CSMD3: variants seen among roughly 807,000 people sequenced by gnomAD.
The protein encoded by CSMD3 is CUB and sushi domain-containing protein 3.
A neutral mutation model predicts 435.2 loss-of-function variants in CSMD3; 177 were observed. The observed-to-expected ratio is 0.41, with a 90% confidence interval of 0.36 to 0.46. The LOEUF (loss-of-function observed/expected upper bound fraction) is 0.46. Among genes scored for constraint, CSMD3 ranks in the 20% least tolerant of loss-of-function variants. The pLI is 0.34. For missense variants in CSMD3, 4,265 were observed against 4,504.6 expected (o/e 0.95, Z 1.52); for synonymous variants, 1,656 against 1,520.5 (o/e 1.09, Z -2.07).
intron 31 of CSMD3, among the ~76,000 whole-genome samples, chr8:112,481,499 T>G (rs2130799188): frequency 6.6e-6 from 1 of 152,280 alleles, no homozygotes; most frequent in South Asian, 2.1e-4. Context: ...GATGACTTCT[T>G]GCAGGTCACA....
chr8:112,835,310 A>C (rs568397653), intron 11 of CSMD3, among the ~76,000 whole-genome samples: 139 of 152,006 alleles, frequency 9.1e-4, no homozygotes, highest in African/African-American at 3.3e-3. Flanking sequence ...TAACTTCTAC[A>C]TTGTCATATT....
chr8:113,117,567 T>A (rs2090869853), intron 4 of CSMD3, among the ~76,000 whole-genome samples: 1 of 152,176 alleles, frequency 6.6e-6, no homozygotes, highest in Non-Finnish European at 1.5e-5. Context: ...AGTGGAGCTG[T>A]GAGAAGAGGG....
At chr8:113,389,409 C>G (rs2094452471) in intron 1 of CSMD3, among the ~76,000 whole-genome samples, 1 of 151,558 alleles carries the variant, frequency 6.6e-6, no homozygotes, top group Non-Finnish European at 1.5e-5. Flanking sequence ...TCAGTTTATC[C>G]TCTTATCTTT....
At chr8:112,550,538 T>C in intron 27 of CSMD3, 133 bp downstream of exon 27, 1 of 602,832 alleles carries the variant, frequency 1.7e-6, no homozygotes, top group East Asian at 2.8e-5. Context: ...GCTGCAGAAA[T>C]ATAGGAAGAC....
rs2094710049 is a variant in CSMD3, at chr8:113,436,863, C to T, written c.-9G>A. On this transcript the variant is annotated 5_prime_UTR_variant, in exon 1 of 71. Transcript: ENST00000297405. ...TTGCGGATCCCTTTCATATTATTCG[C>T]GAGCTCCTAATTCCTGCTCCTCAGC... 1.2e-6 allele frequency: 2 copies of T among 1,613,584 alleles called. No homozygotes were observed. The highest frequency in any genetic ancestry group is 1.3e-5 in the African/African-American group (1 of 74,874).
At chr8:112,849,473 A>G (rs1380578183) in intron 11 of CSMD3, among the ~76,000 whole-genome samples, 1 of 152,082 alleles carries the variant, frequency 6.6e-6, no homozygotes, top group Non-Finnish European at 1.5e-5. Context: ...ATATTGGAAG[A>G]ATCACATCTC....
At chr8:112,263,484 A>G (rs1025160286) in intron 61 of CSMD3, among the ~76,000 whole-genome samples, 155 bp downstream of exon 61, 5 of 152,232 alleles carry the variant, frequency 3.3e-5, no homozygotes, top group African/African-American at 9.6e-5. Context: ...AAGGAGAAAC[A>G]TAATGACTTA....
intron 59 of CSMD3, among the ~76,000 whole-genome samples, chr8:112,267,523 A>AATATT (rs1563713180): frequency 6.6e-6 from 1 of 152,036 alleles, no homozygotes; most frequent in African/African-American, 2.4e-5. Flanking sequence ...CCTTCAATTT[A>AATATT]TTATTTTATT....
Position 112,223,292 on chromosome 8 carries a change from A to G in CSMD3, c.*1479T>C, listed in dbSNP as rs1003161752. 1 of 366,912 alleles carries G rather than the reference A, an allele frequency of 2.7e-6. No individual in the cohort carries two copies. The highest frequency in any genetic ancestry group is 4.9e-6 in the Non-Finnish European group (1 of 204,980). 22.7% of individuals were successfully genotyped at this position (366,912 alleles called of 1,614,324 possible). A position where few individuals can be genotyped will look rare whatever the true frequency, so the allele number is the denominator to read the frequency against. ...GAAATTCATTAAATGTTGTAGAGAT[A>G]GAGCCAAGCAGCGCTCCCAGGTGCA... On this transcript the variant is annotated 3_prime_UTR_variant, in exon 71 of 71. Transcript: ENST00000297405.
At chr8:112,976,281 A>T (rs1471034985) in intron 6 of CSMD3, 133 bp from the exon 7 acceptor site, 2 of 1,018,386 alleles carry the variant, frequency 2.0e-6, no homozygotes, top group East Asian at 5.2e-5. Context: ...AAACACAAAC[A>T]CGCGAGTAAA....
chr8:112,999,689 A>AC (rs1488491075), intron 6 of CSMD3, among the ~76,000 whole-genome samples: 3 of 151,624 alleles, frequency 2.0e-5, no homozygotes, highest in Non-Finnish European at 4.4e-5. Context: ...ATGGCAGGAA[A>AC]CTGAGTGTTT....
rs569354837 is a variant in CSMD3 at position 112,567,802 on chromosome 8, C to T, written c.4042+5699G>A. On this transcript the variant is annotated intron_variant, in intron 24 of 70. Transcript: ENST00000297405. Reference sequence around the variant, plus strand: ...CTGTATTGTGATCTCAATTTCTGATCTGTTTCCCAACTCTAGAAGGAAGTA... The same window carrying T: ...CTGTATTGTGATCTCAATTTCTGATTTGTTTCCCAACTCTAGAAGGAAGTA... Among the ~76,000 whole-genome samples, 23 of 152,228 alleles carry T rather than the reference C, an allele frequency of 1.5e-4. No individual in the cohort carries two copies. In the South Asian group the frequency reaches 4.8e-3, roughly 32 times the overall value.
chr8:112,443,944 G>T (rs1815320726), intron 32 of CSMD3, among the ~76,000 whole-genome samples: 1 of 151,894 alleles, frequency 6.6e-6, no homozygotes, highest in Non-Finnish European at 1.5e-5. Flanking sequence ...CTATAAAGTA[G>T]GTACAATATC....
intron 40 of CSMD3, among the ~76,000 whole-genome samples, chr8:112,346,886 A>G (rs982151016): frequency 6.6e-6 from 1 of 151,710 alleles, no homozygotes; most frequent in African/African-American, 2.4e-5. Flanking sequence ...TCATTGTGTT[A>G]GCCAGGATGG....
At chr8:113,274,499 C>T (rs1053610393) in intron 3 of CSMD3, among the ~76,000 whole-genome samples, 4 of 152,020 alleles carry the variant, frequency 2.6e-5, no homozygotes, top group Non-Finnish European at 4.4e-5. Context: ...AAATTGACAT[C>T]AGTGCAACAT....
intron 27 of CSMD3, among the ~76,000 whole-genome samples, chr8:112,536,524 T>G (rs1161105478): frequency 6.6e-6 from 1 of 151,308 alleles, no homozygotes; most frequent in Non-Finnish European, 1.5e-5. Context: ...AGGAAACAAG[T>G]GCTGGAGAGG....
intron 31 of CSMD3, among the ~76,000 whole-genome samples, chr8:112,481,207 G>T (rs1257143859): frequency 1.3e-5 from 2 of 152,054 alleles, no homozygotes; most frequent in Non-Finnish European, 2.9e-5. Flanking sequence ...AAGAAGAAAA[G>T]AAGAAGGAGG....
intron 4 of CSMD3, among the ~76,000 whole-genome samples, chr8:113,161,830 T>C (rs1025660931): frequency 9.2e-5 from 14 of 152,152 alleles, no homozygotes; most frequent in African/African-American, 3.1e-4. Context: ...TCACCTCTTT[T>C]CTCTACATTT....
At chr8:113,132,615 C>T (rs907787984) in intron 4 of CSMD3, among the ~76,000 whole-genome samples, 1 of 152,100 alleles carries the variant, frequency 6.6e-6, no homozygotes, top group African/African-American at 2.4e-5. Flanking sequence ...AACTGTTAGC[C>T]AATTAAATCT....
Sources: gnomAD v4.1 joint callset for allele counts (sites outside exome capture counted in the v4.1 genomes callset) on GRCh38, gnomAD v4.1.1 for gene constraint, MANE v1.5 for transcripts, NCBI Gene and HGNC (gene_info 2026-07-23, HGNC 2026-07-21) for gene names.